Variants in CHL1 observed in about 807,000 individuals in gnomAD.
CHL1 encodes the protein cell adhesion molecule L1 like.
Under a neutral mutation model 141.9 loss-of-function variants are expected in CHL1, and 96 were observed. The observed-to-expected ratio is 0.68, with a 90% CI of 0.57 to 0.80. The LOEUF (loss-of-function observed/expected upper bound fraction) is 0.80. CHL1 is among the 30% of genes least tolerant of loss of function. The pLI is 0.00. For missense variants in CHL1, 1,820 were observed against 1,457.2 expected (o/e 1.25, Z -4.05); for synonymous variants, 613 against 502.2 (o/e 1.22, Z -2.95).
chr3:294,610 TAG>T (rs1417310444), intron 2 of CHL1, among the ~76,000 whole-genome samples: 1 of 152,192 alleles, frequency 6.6e-6, no homozygotes, highest in Non-Finnish European at 1.5e-5. Flanking sequence ...TTATGAAAGG[TAG>T]TCATTCACTA....
intron 2 of CHL1, among the ~76,000 whole-genome samples, chr3:268,897 TGGC>T (rs1261577615): frequency 6.6e-6 from 1 of 152,216 alleles, no homozygotes; most frequent in Non-Finnish European, 1.5e-5. Flanking sequence ...CTCAATCAGA[TGGC>T]AAAATATTGG....
At chr3:200,901 C>T (rs1366030188) in intron 1 of CHL1, among the ~76,000 whole-genome samples, 1 of 152,152 alleles carries the variant, frequency 6.6e-6, no homozygotes, top group Non-Finnish European at 1.5e-5. Context: ...CTGCTTAACA[C>T]CTTAAACATT....
chr3:278,594 G>A (rs1696361306), intron 2 of CHL1, among the ~76,000 whole-genome samples: 1 of 152,106 alleles, frequency 6.6e-6, no homozygotes, highest in Non-Finnish European at 1.5e-5. Flanking sequence ...AAATTAACCT[G>A]TTTTCCTGTT....
chr3:281,036 T>C (rs367700479), intron 2 of CHL1, among the ~76,000 whole-genome samples: 1 of 152,098 alleles, frequency 6.6e-6, no homozygotes, highest in Admixed American at 6.6e-5. Context: ...CTAGGGGACA[T>C]CTGACAATGT....
At chr3:323,161 G>A (rs73814814) in intron 3 of CHL1, among the ~76,000 whole-genome samples, 8,083 of 151,968 alleles carry the variant, frequency 0.053, 694 homozygotes, top group African/African-American at 0.18. Context: ...ATATAGGTCA[G>A]ATATTTTCCT....
At chr3:198,278 A>T (rs1360052327) in intron 1 of CHL1, among the ~76,000 whole-genome samples, 1 of 152,046 alleles carries the variant, frequency 6.6e-6, no homozygotes, top group Non-Finnish European at 1.5e-5. Context: ...GCCGGCGTCC[A>T]GTCCCGCTCG....
intron 16 of CHL1, among the ~76,000 whole-genome samples, chr3:378,385 G>T (rs1706611023): frequency 1.3e-5 from 2 of 152,168 alleles, no homozygotes; most frequent in African/African-American, 4.8e-5. Flanking sequence ...TTCCAGGAAG[G>T]ATGGAGAGGA....
intron 2 of CHL1, among the ~76,000 whole-genome samples, chr3:259,382 C>T (rs957878004): frequency 1.4e-4 from 21 of 151,682 alleles, no homozygotes; most frequent in African/African-American, 4.4e-4. Context: ...CAGAGAAATA[C>T]GAACAGTTAA....
At position 360,287 on chromosome 3, in the gene CHL1, A is replaced by T. The variant is rs1214288515; in HGVS notation, c.1169A>T (p.His390Leu). ...GACATTCTTTAATCTCTTTCAGATCATCCATTTGCTGGTGATGTTGTCTTC... is the reference window on the plus strand; with the variant it reads ...GACATTCTTTAATCTCTTTCAGATCTTCCATTTGCTGGTGATGTTGTCTTC... ...WRVNGSPVDN[H>L]PFAGDVVFPR... The change falls in exon 12 of 28, where the codon CAT (histidine) becomes CTT (leucine). Residue 390 changes from histidine (H) to leucine (L), a missense_variant. Physicochemically the swap from His to Leu is moderately conservative, Grantham distance 99. Coordinates refer to ENST00000256509, the MANE Select transcript of CHL1 (RefSeq NM_006614.4). The T allele has an allele frequency of 6.2e-7, 1 of 1,613,756 alleles. No individual in the cohort carries two copies. The highest frequency in any genetic ancestry group is 2.2e-5 in the East Asian group (1 of 44,864).
Position 344,718 on chromosome 3 carries a change from C to T in CHL1, c.848+9C>T. The T allele has an allele frequency of 1.9e-6, 3 of 1,612,994 alleles. No individual in the cohort carries two copies. Among genetic ancestry groups the T allele is most frequent in the Non-Finnish European group, 2.5e-6 (3 of 1,179,500 alleles). On this transcript the variant is annotated intron_variant, in intron 9 of 27. Transcript: ENST00000256509. ...TGTTTTGCTGAAGGCTTGTGAGTAA[C>T]CTGACTCTCACTCATGACTTTGTCC... is the stretch of plus-strand genomic sequence containing the variant.
intron 5 of CHL1, among the ~76,000 whole-genome samples, chr3:332,961 G>T (rs1357177972): frequency 6.6e-6 from 1 of 151,838 alleles, no homozygotes; most frequent in East Asian, 1.9e-4. Context: ...TTTGGTTTAA[G>T]ATTCTGCAAT....
intron 1 of CHL1, among the ~76,000 whole-genome samples, chr3:206,408 G>A (rs1159866665): frequency 2.0e-5 from 3 of 152,110 alleles, no homozygotes; most frequent in Non-Finnish European, 4.4e-5. Flanking sequence ...GGAGGTTGCA[G>A]TGAGCCTAGA....
chr3:383,581 A>T (rs752767626), intron 18 of CHL1, among the ~76,000 whole-genome samples: 1 of 152,162 alleles, frequency 6.6e-6, no homozygotes, highest in Non-Finnish European at 1.5e-5. Context: ...ATACTAAACC[A>T]TCTACTCTCC....
chr3:223,263 T>C (rs373763939), intron 1 of CHL1, among the ~76,000 whole-genome samples: 27 of 152,310 alleles, frequency 1.8e-4, no homozygotes, highest in African/African-American at 6.5e-4. Context: ...CCCTATCTGA[T>C]ATAAAACAAT....
intron 5 of CHL1, among the ~76,000 whole-genome samples, chr3:337,180 C>CTTTT (rs1490013935): frequency 1.5e-4 from 17 of 113,292 alleles, no homozygotes; most frequent in African/African-American, 4.1e-4. Context: ...TCCAAACATT[C>CTTTT]TTTTGTTTTT....
chr3:310,124 G>C (rs1699630255), intron 2 of CHL1, among the ~76,000 whole-genome samples: 2 of 152,132 alleles, frequency 1.3e-5, no homozygotes, highest in African/African-American at 2.4e-5. Flanking sequence ...GAGAATAGTA[G>C]AGAAGGAGAG....
chr3:277,643 C>A (rs1284346955), intron 2 of CHL1, among the ~76,000 whole-genome samples: 1 of 152,174 alleles, frequency 6.6e-6, no homozygotes, highest in Non-Finnish European at 1.5e-5. Flanking sequence ...GCATTCAGAA[C>A]TTACGTGTCA....
rs989430973 is a variant in CHL1 at position 363,069 on chromosome 3, G to C, written c.1419-148G>C. 9 of 633,250 alleles carry C rather than the reference G, an allele frequency of 1.4e-5. No homozygotes were observed. In the Middle Eastern group the frequency reaches 8.1e-4, roughly 57 times the overall value. 39.2% of individuals were successfully genotyped at this position (633,250 alleles called of 1,614,324 possible). A position where few individuals can be genotyped will look rare whatever the true frequency, so the allele number is the denominator to read the frequency against. ...AAGATATACAATCTTGGTCCATTTT[G>C]AGAAAAATATGAAACCCACTGGAAC... On this transcript the variant is annotated intron_variant, in intron 13 of 27. Transcript: ENST00000256509.
At chr3:395,571 G>C (rs544137486) in intron 24 of CHL1, among the ~76,000 whole-genome samples, 1 of 152,230 alleles carries the variant, frequency 6.6e-6, no homozygotes, top group Non-Finnish European at 1.5e-5. Flanking sequence ...TACACACGAA[G>C]TGAAACAGAG....
Sources: gnomAD v4.1 joint callset for allele counts (sites outside exome capture counted in the v4.1 genomes callset) on GRCh38, gnomAD v4.1.1 for gene constraint, MANE v1.5 for transcripts, NCBI Gene and HGNC (gene_info 2026-07-23, HGNC 2026-07-21) for gene names.